SPMIP6: variants seen among roughly 807,000 people sequenced by gnomAD.
SPMIP6 encodes ciliated bronchial epithelial protein 1.
the SPMIP6 span, chr9:34,379,075 T>A: frequency 6.3e-7 from 1 of 1,579,448 alleles, no homozygotes; most frequent in South Asian, 1.1e-5. The surrounding 1 kb of genome is among the most constrained non-coding windows in gnomAD (Gnocchi z 4.2). Context: ...AAGCCCAGGC[T>A]CTACCAGCAA....
At chr9:34,396,347 C>A in the SPMIP6 span, among the ~76,000 whole-genome samples, 3 of 152,072 alleles carry the variant, frequency 2.0e-5, no homozygotes. Flanking sequence ...TCCTATTCAA[C>A]GAATTCCTTT....
the SPMIP6 span, among the ~76,000 whole-genome samples, chr9:34,389,005 C>A: frequency 7.0e-6 from 1 of 141,950 alleles, no homozygotes; most frequent in African/African-American, 2.6e-5. Flanking sequence ...AATCACAGTT[C>A]ACTGCAGTCT....
At chr9:34,395,559 A>G in the SPMIP6 span, among the ~76,000 whole-genome samples, 2 of 151,626 alleles carry the variant, frequency 1.3e-5, no homozygotes, top group African/African-American at 4.9e-5. Context: ...TTCTTTGGCA[A>G]TTTCATCTCT....
the SPMIP6 span, chr9:34,379,788 C>T: frequency 6.4e-6 from 9 of 1,412,652 alleles, no homozygotes; most frequent in Non-Finnish European, 9.0e-6. This position sits in a 1 kb window ranked among gnomAD's most constrained non-coding sequence, Gnocchi z 4.2. Flanking sequence ...ACTCTCATCC[C>T]CCGATTTAGA....
the SPMIP6 span, chr9:34,381,739 T>C: frequency 1.3e-5 from 17 of 1,317,190 alleles, no homozygotes; most frequent in African/African-American, 1.9e-4. This position sits in a 1 kb window ranked among gnomAD's most constrained non-coding sequence, Gnocchi z 4.4. Flanking sequence ...TCTAGCTGAC[T>C]CTGTTTAGCT....
At chr9:34,397,552 C>T in the SPMIP6 span, 1 of 1,613,952 alleles carries the variant, frequency 6.2e-7, no homozygotes. Context: ...TCCTTATAGA[C>T]CTCCTTGATG....
the SPMIP6 span, among the ~76,000 whole-genome samples, chr9:34,386,722 T>C: frequency 1.3e-5 from 2 of 152,238 alleles, no homozygotes; most frequent in African/African-American, 2.4e-5. Context: ...CTTGACACTT[T>C]TCCTGTTCTT....
chr9:34,380,657 T>G, the SPMIP6 span: 1 of 1,534,782 alleles, frequency 6.5e-7, no homozygotes, highest in East Asian at 2.5e-5. Context: ...TTGAGCCCAG[T>G]TTGAGAGGGA....
chr9:34,382,620 T>C, the SPMIP6 span: 2 of 675,750 alleles, frequency 3.0e-6, no homozygotes. Flanking sequence ...GTTTCACAGA[T>C]GCGGAAGAGC....
At chr9:34,382,748 A>G in the SPMIP6 span, 1 of 1,607,594 alleles carries the variant, frequency 6.2e-7, no homozygotes, top group Non-Finnish European at 8.5e-7. Context: ...TGGGTGCAAC[A>G]GATACCTTAG....
chr9:34,389,829 AATG>A, the SPMIP6 span: 1 of 152,166 alleles, frequency 6.6e-6, no homozygotes, highest in African/African-American at 2.4e-5. Flanking sequence ...TTGATGCTAG[AATG>A]ATGTATATTT....
the SPMIP6 span, among the ~76,000 whole-genome samples, chr9:34,387,616 G>C: frequency 6.6e-6 from 1 of 151,954 alleles, no homozygotes; most frequent in East Asian, 1.9e-4. Flanking sequence ...ACTAAACACA[G>C]ATACACACAC....
chr9:34,379,540 G>A, the SPMIP6 span: 1 of 994,032 alleles, frequency 1.0e-6, no homozygotes, highest in Non-Finnish European at 1.6e-6. The surrounding 1 kb of genome is among the most constrained non-coding windows in gnomAD (Gnocchi z 4.2). Context: ...GCCTGTCAGT[G>A]CACCGCGGAG....
the SPMIP6 span, among the ~76,000 whole-genome samples, chr9:34,392,420 A>T: frequency 6.7e-6 from 1 of 149,174 alleles, no homozygotes; most frequent in Non-Finnish European, 1.5e-5. This position sits in a 1 kb window ranked among gnomAD's most constrained non-coding sequence, Gnocchi z 4.6. Flanking sequence ...TTTGTCATTT[A>T]TGTGGTGATC....
the SPMIP6 span, among the ~76,000 whole-genome samples, chr9:34,386,293 C>G: frequency 6.6e-6 from 1 of 152,088 alleles, no homozygotes; most frequent in South Asian, 2.1e-4. Context: ...GGAGGGGCAC[C>G]TACTTTAAAA....
At chr9:34,382,940 A>G in the SPMIP6 span, 2 of 1,032,570 alleles carry the variant, frequency 1.9e-6, no homozygotes, top group Admixed American at 1.7e-5. Context: ...GATCCCCTAC[A>G]TGTTTCTCTT....
the SPMIP6 span, among the ~76,000 whole-genome samples, chr9:34,388,991 G>T: frequency 6.9e-6 from 1 of 144,462 alleles, no homozygotes; most frequent in African/African-American, 2.6e-5. Context: ...GAGTGCAGTG[G>T]CACAATCACA....
At chr9:34,397,472 GC>G in the SPMIP6 span, 2 of 1,613,450 alleles carry the variant, frequency 1.2e-6, no homozygotes, top group Admixed American at 1.7e-5. Context: ...ACTCTGGCCT[GC>G]CCCTCCCCAC....
the SPMIP6 span, chr9:34,379,843 A>T: frequency 1.3e-6 from 1 of 769,160 alleles, no homozygotes; most frequent in Admixed American, 2.3e-5. This position sits in a 1 kb window ranked among gnomAD's most constrained non-coding sequence, Gnocchi z 4.2. Context: ...CAAGGCTCGG[A>T]AATCCTCCTC....
Sources: gnomAD v4.1 joint callset for allele counts (sites outside exome capture counted in the v4.1 genomes callset) on GRCh38, gnomAD v4.1.1 for gene constraint, Gnocchi (gnomAD v3.1) non-coding constraint, MANE v1.5 for transcripts, NCBI Gene and HGNC (gene_info 2026-07-23, HGNC 2026-07-21) for gene names.